Variants in STX8 observed in about 807,000 individuals in gnomAD.
STX8 encodes the protein syntaxin 8.
STX8 carries 23 observed loss-of-function variants against 37.5 expected under a neutral mutation model. That is an observed-to-expected ratio of 0.61 (90% confidence interval 0.44 to 0.87). The LOEUF is 0.87. Among genes scored for constraint, STX8 ranks in the 40% least tolerant of loss-of-function variants. STX8 has a pLI of 0.00. For missense variants in STX8, 313 were observed against 284.7 expected (o/e 1.10, Z -0.71); for synonymous variants, 115 against 99.1 (o/e 1.16, Z -0.95).
chr17:9,547,744 C>A (rs776485511), intron 3 of STX8, among the ~76,000 whole-genome samples: 5 of 151,334 alleles, frequency 3.3e-5, no homozygotes, highest in African/African-American at 7.3e-5. Context: ...GACAAGGAAC[C>A]AGACACTCTC....
intron 6 of STX8, among the ~76,000 whole-genome samples, chr17:9,468,130 A>T (rs1219803799): frequency 6.6e-6 from 1 of 152,102 alleles, no homozygotes; most frequent in African/African-American, 2.4e-5. Context: ...TTTTTTTGAG[A>T]TGGAGTTTTG....
chr17:9,543,880 TCA>T (rs1002793429), intron 4 of STX8, among the ~76,000 whole-genome samples: 3 of 152,220 alleles, frequency 2.0e-5, no homozygotes, highest in African/African-American at 4.8e-5. Flanking sequence ...TTCCTGTATT[TCA>T]CAGTTTCTTC....
chr17:9,424,653 G>A (rs997904591), intron 6 of STX8, among the ~76,000 whole-genome samples: 2 of 152,054 alleles, frequency 1.3e-5, no homozygotes, highest in Non-Finnish European at 1.5e-5. Flanking sequence ...GATCAACTTC[G>A]AGTTACAGAA....
chr17:9,333,737 T>C (rs1242149127), intron 7 of STX8, among the ~76,000 whole-genome samples: 1 of 151,638 alleles, frequency 6.6e-6, no homozygotes, highest in Non-Finnish European at 1.5e-5. Context: ...GTCATGTAAA[T>C]AGATATAACA....
At position 9,457,040 on chromosome 17, in the gene STX8, C is replaced by A. The variant is rs1381903967; in HGVS notation, c.541+34789G>T. 2.0e-5 allele frequency among the ~76,000 whole-genome samples: 3 copies of A among 152,304 alleles called. No homozygotes were observed. In the East Asian group the frequency reaches 5.8e-4, roughly 29 times the overall value. Reference sequence around the variant, plus strand: ...GAGACTCGAACTGGATTAAACATCACAGAAATGTGTCTCTCATGGTAAGAA... The same window carrying A: ...GAGACTCGAACTGGATTAAACATCAAAGAAATGTGTCTCTCATGGTAAGAA... On this transcript the variant is annotated intron_variant, in intron 6 of 7. Coordinates refer to ENST00000306357, the MANE Select transcript of STX8 (RefSeq NM_004853.3).
At chr17:9,271,474 G>A (rs766696452) in intron 7 of STX8, among the ~76,000 whole-genome samples, 6 of 151,926 alleles carry the variant, frequency 3.9e-5, no homozygotes, top group African/African-American at 7.2e-5. Context: ...AAATGCGGCC[G>A]GGCGTGGTGG....
At chr17:9,387,294 G>C (rs756999706) in intron 6 of STX8, among the ~76,000 whole-genome samples, 7 of 151,686 alleles carry the variant, frequency 4.6e-5, no homozygotes, top group Admixed American at 6.6e-5. Context: ...ATGTAAAAGT[G>C]GGCTTTTTTT....
At chr17:9,287,027 G>A (rs932040211) in intron 7 of STX8, among the ~76,000 whole-genome samples, 4 of 152,130 alleles carry the variant, frequency 2.6e-5, no homozygotes, top group Non-Finnish European at 5.9e-5. Context: ...TTGATTTCAC[G>A]TGGGCAAACT....
At chr17:9,381,976 AAAAC>A (rs34904417) in intron 6 of STX8, among the ~76,000 whole-genome samples, 86 of 151,712 alleles carry the variant, frequency 5.7e-4, no homozygotes, top group African/African-American at 1.7e-3. Context: ...CTTGGGGGAA[AAAAC>A]AAACAAACAA....
intron 6 of STX8, among the ~76,000 whole-genome samples, chr17:9,399,220 C>G (rs950570452): frequency 3.9e-5 from 6 of 152,090 alleles, no homozygotes; most frequent in African/African-American, 1.4e-4. Context: ...AAAATCTCAG[C>G]AGGCCCATTT....
At chr17:9,326,370 C>T (rs982211403) in intron 7 of STX8, among the ~76,000 whole-genome samples, 2 of 152,278 alleles carry the variant, frequency 1.3e-5, no homozygotes, top group Non-Finnish European at 2.9e-5. Flanking sequence ...GATCTGCTTG[C>T]CTCAGCCTCC....
rs1200553182 is a variant in STX8 at position 9,534,446 on chromosome 17, G to A, written c.323+10726C>T. 3.3e-5 allele frequency among the ~76,000 whole-genome samples: 5 copies of A among 152,246 alleles called. No individual in the cohort carries two copies. The East Asian group carries it at 9.7e-4, about 29-fold the overall frequency. ...ACAATCCCAATTGTTTTTAAAAGTTGTTCTCTCTTTTGGAATTACATTAGC... is the reference window on the plus strand; with the variant it reads ...ACAATCCCAATTGTTTTTAAAAGTTATTCTCTCTTTTGGAATTACATTAGC... On this transcript the variant is annotated intron_variant, in intron 4 of 7. Coordinates refer to ENST00000306357, the MANE Select transcript of STX8 (RefSeq NM_004853.3).
rs143195642 is a variant in STX8, at chr17:9,287,831, A to C, written c.644-37186T>G. Among the ~76,000 whole-genome samples, 345 of 151,892 alleles carry C rather than the reference A, an allele frequency of 2.3e-3. 1 individual carries two copies. The highest frequency in any genetic ancestry group is 7.7e-3 in the African/African-American group (320 of 41,400). On this transcript the variant is annotated intron_variant, in intron 7 of 7. Coordinates refer to ENST00000306357, the MANE Select transcript of STX8 (RefSeq NM_004853.3). ...AAGTGGCACATCTCGGCTCACTGCA[A>C]CCTCTGCCTTCTGGGTTCAAGTGAC...
chr17:9,288,751 C>T (rs1255942581), intron 7 of STX8, among the ~76,000 whole-genome samples: 1 of 150,998 alleles, frequency 6.6e-6, no homozygotes, highest in Non-Finnish European at 1.5e-5. Flanking sequence ...AAGAAATGAA[C>T]AAAACAACCA....
At chr17:9,462,010 G>A (rs898133172) in intron 6 of STX8, among the ~76,000 whole-genome samples, 1 of 152,146 alleles carries the variant, frequency 6.6e-6, no homozygotes, top group East Asian at 1.9e-4. Flanking sequence ...AGGCGGTAAT[G>A]CAAGCAATGG....
chr17:9,385,746 C>T (rs1325343504), intron 6 of STX8, among the ~76,000 whole-genome samples: 1 of 152,144 alleles, frequency 6.6e-6, no homozygotes, highest in African/African-American at 2.4e-5. Context: ...TACCATCTTA[C>T]CCAGAAACTT....
chr17:9,257,938 G>A (rs544765833), intron 7 of STX8, among the ~76,000 whole-genome samples: 2 of 152,212 alleles, frequency 1.3e-5, no homozygotes, highest in African/African-American at 4.8e-5. Flanking sequence ...GCGGTGAGCT[G>A]AGATTGCGCC....
intron 7 of STX8, among the ~76,000 whole-genome samples, chr17:9,350,527 T>TG (rs1405295004): frequency 6.6e-6 from 1 of 150,626 alleles, no homozygotes; most frequent in Non-Finnish European, 1.5e-5. Flanking sequence ...TGTTTTTTTT[T>TG]TTGTTTTTGT....
intron 7 of STX8, among the ~76,000 whole-genome samples, chr17:9,271,494 G>A (rs1907459424): frequency 6.6e-6 from 1 of 152,080 alleles, no homozygotes; most frequent in Non-Finnish European, 1.5e-5. Context: ...GCTCACGCCT[G>A]TAATCCCAGC....
Sources: gnomAD v4.1 joint callset for allele counts (sites outside exome capture counted in the v4.1 genomes callset) on GRCh38, gnomAD v4.1.1 for gene constraint, MANE v1.5 for transcripts, NCBI Gene and HGNC (gene_info 2026-07-23, HGNC 2026-07-21) for gene names.